Variants in EEIG2 observed in about 807,000 individuals in gnomAD.
EEIG2 encodes family with sequence similarity 102 member B.
chr1:108,618,343 T>C, the EEIG2 span, among the ~76,000 whole-genome samples: 1 of 152,100 alleles, frequency 6.6e-6, no homozygotes, highest in African/African-American at 2.4e-5. Flanking sequence ...AAGATGCTCA[T>C]TGAAGAGCAA....
the EEIG2 span, among the ~76,000 whole-genome samples, chr1:108,586,132 T>A: frequency 6.6e-6 from 1 of 152,118 alleles, no homozygotes; most frequent in Admixed American, 6.6e-5. Flanking sequence ...ATTAAACTCC[T>A]ATTTCCCTTA....
the EEIG2 span, among the ~76,000 whole-genome samples, chr1:108,574,947 T>A: frequency 1.3e-5 from 2 of 152,252 alleles, no homozygotes; most frequent in Non-Finnish European, 2.9e-5. Context: ...CATTTCATTA[T>A]GAATTTTTCT....
the EEIG2 span, among the ~76,000 whole-genome samples, chr1:108,598,650 A>T: frequency 6.6e-6 from 1 of 152,186 alleles, no homozygotes; most frequent in Non-Finnish European, 1.5e-5. Flanking sequence ...AGGAAAAAAA[A>T]TGGCCAAAGT....
the EEIG2 span, among the ~76,000 whole-genome samples, chr1:108,569,195 T>C: frequency 2.0e-5 from 3 of 152,294 alleles, no homozygotes; most frequent in East Asian, 3.9e-4. Flanking sequence ...TTAAAACAAA[T>C]AAGTTCTAAC....
the EEIG2 span, among the ~76,000 whole-genome samples, chr1:108,576,621 T>C: frequency 1.0e-4 from 15 of 145,902 alleles, no homozygotes; most frequent in African/African-American, 3.1e-4. Flanking sequence ...ACAAAGGACA[T>C]GAACTCATCA....
the EEIG2 span, among the ~76,000 whole-genome samples, chr1:108,618,615 G>A: frequency 1.3e-5 from 2 of 151,988 alleles, no homozygotes; most frequent in Admixed American, 1.3e-4. Context: ...ACATTTGGCC[G>A]GGCTCGGTGG....
At chr1:108,583,721 C>T in the EEIG2 span, among the ~76,000 whole-genome samples, 1 of 152,090 alleles carries the variant, frequency 6.6e-6, no homozygotes, top group Admixed American at 6.6e-5. Context: ...CAGACATAAA[C>T]TGTTAGGATT....
the EEIG2 span, among the ~76,000 whole-genome samples, chr1:108,605,066 TGAAAAA>T: frequency 6.6e-6 from 1 of 151,388 alleles, no homozygotes; most frequent in African/African-American, 2.4e-5. Context: ...AAATAAAAAA[TGAAAAA>T]GAACTATTGC....
chr1:108,598,913 C>T, the EEIG2 span, among the ~76,000 whole-genome samples: 100 of 152,108 alleles, frequency 6.6e-4, no homozygotes, highest in Admixed American at 1.3e-3. Flanking sequence ...GTATCGTAAT[C>T]CTGACACTTT....
chr1:108,626,897 T>C, the EEIG2 span: 1 of 152,206 alleles, frequency 6.6e-6, no homozygotes, highest in African/African-American at 2.4e-5. Flanking sequence ...GTTAACCTCC[T>C]CTGTTACCAG....
the EEIG2 span, chr1:108,560,261 G>C: frequency 2.1e-5 from 5 of 235,584 alleles, no homozygotes; most frequent in African/African-American, 2.4e-5. Flanking sequence ...GCTGCCGCGA[G>C]AGGCGGCGGC....
At chr1:108,627,109 A>G in the EEIG2 span, 1 of 152,252 alleles carries the variant, frequency 6.6e-6, no homozygotes, top group Non-Finnish European at 1.5e-5. Context: ...TTGAATGAAT[A>G]AATTTTGAAA....
chr1:108,590,105 A>T, the EEIG2 span, among the ~76,000 whole-genome samples: 1 of 152,002 alleles, frequency 6.6e-6, no homozygotes, highest in South Asian at 2.1e-4. Context: ...CTCACTCCCT[A>T]ATCCCACTAG....
the EEIG2 span, among the ~76,000 whole-genome samples, chr1:108,620,562 T>C: frequency 6.6e-6 from 1 of 152,214 alleles, no homozygotes; most frequent in Admixed American, 6.5e-5. Context: ...AAAGCAGATC[T>C]AGGGGTGATA....
the EEIG2 span, among the ~76,000 whole-genome samples, chr1:108,621,276 A>G: frequency 6.6e-6 from 1 of 152,226 alleles, no homozygotes; most frequent in Admixed American, 6.5e-5. Flanking sequence ...AAAAACTGGC[A>G]CATGGCAAGC....
chr1:108,594,051 G>A, the EEIG2 span, among the ~76,000 whole-genome samples: 4 of 152,006 alleles, frequency 2.6e-5, no homozygotes, highest in Admixed American at 6.6e-5. Flanking sequence ...CAAGCAATCC[G>A]CTTGCCTTGG....
At chr1:108,625,786 G>C in the EEIG2 span, 10 of 28,540 alleles carry the variant, frequency 3.5e-4, no homozygotes, top group African/African-American at 5.8e-4. Context: ...GTGTGTGTGT[G>C]TGTGTGTGTG....
the EEIG2 span, chr1:108,616,405 G>A: frequency 1.9e-6 from 3 of 1,601,292 alleles, no homozygotes; most frequent in South Asian, 2.2e-5. Context: ...TGCAACTGAT[G>A]TCTGGTGACC....
the EEIG2 span, among the ~76,000 whole-genome samples, chr1:108,569,195 T>G: frequency 2.0e-5 from 3 of 152,176 alleles, no homozygotes; most frequent in African/African-American, 7.2e-5. Flanking sequence ...TTAAAACAAA[T>G]AAGTTCTAAC....
Sources: gnomAD v4.1 joint callset for allele counts (sites outside exome capture counted in the v4.1 genomes callset) on GRCh38, gnomAD v4.1.1 for gene constraint, MANE v1.5 for transcripts, NCBI Gene and HGNC (gene_info 2026-07-23, HGNC 2026-07-21) for gene names.